Variants in ADGB observed in about 807,000 individuals in gnomAD.
The protein encoded by ADGB is androglobin, also known as calpain-7-like protein.
Under a neutral mutation model 210.5 loss-of-function variants are expected in ADGB, and 172 were observed. The ratio of observed to expected loss-of-function variants is 0.82; its 90% CI spans 0.72 to 0.93. The LOEUF (loss-of-function observed/expected upper bound fraction) is 0.93. ADGB is among the 40% of genes least tolerant of loss of function. The pLI, the probability that ADGB is intolerant of heterozygous loss-of-function variation, is 0.00. For missense variants in ADGB, 2,025 were observed against 1,964.8 expected, an observed-to-expected ratio of 1.03 and a Z score of -0.58; for synonymous variants, 658 against 662.7, an observed-to-expected ratio of 0.99 and a Z score of 0.11.
intron 19 of ADGB, among the ~76,000 whole-genome samples, 176 bp downstream of exon 19, chr6:146,726,373 C>A (rs1776895438): frequency 6.6e-6 from 1 of 152,062 alleles, no homozygotes; most frequent in South Asian, 2.1e-4. Flanking sequence ...CAGGTGCGTG[C>A]CACCACACCC....
intron 4 of ADGB, among the ~76,000 whole-genome samples, chr6:146,654,760 T>C (rs1048345176): frequency 2.0e-5 from 3 of 152,152 alleles, no homozygotes; most frequent in African/African-American, 7.2e-5. Context: ...TATTATTGTG[T>C]CTGCCAGTTA....
At chr6:146,636,497 A>G (rs1775424782) in intron 2 of ADGB, among the ~76,000 whole-genome samples, 1 of 151,998 alleles carries the variant, frequency 6.6e-6, no homozygotes, top group East Asian at 1.9e-4. Flanking sequence ...TGATTATGGA[A>G]CTTCTAGATG....
At chr6:146,741,514 A>C (rs1460215713) in intron 25 of ADGB, among the ~76,000 whole-genome samples, 1 of 152,210 alleles carries the variant, frequency 6.6e-6, no homozygotes, top group Non-Finnish European at 1.5e-5. Flanking sequence ...GACAAAAAGA[A>C]AGCATTAGAA....
Position 146,713,470 on chromosome 6 carries a change from G to T in ADGB, c.1708-1912G>T, listed in dbSNP as rs562623732. ...GAAATGGTGTCTCATTGTAATTTTG[G>T]TTTGTATTCCTCTAGTGATTCATGA... On this transcript the variant is annotated intron_variant, in intron 13 of 35. Coordinates refer to ENST00000397944, the MANE Select transcript of ADGB (RefSeq NM_024694.4). Among the ~76,000 whole-genome samples the T allele has an allele frequency of 1.3e-5, 2 of 152,208 alleles. 1 individual carries two copies. Among genetic ancestry groups the T allele is most frequent in the South Asian group, 4.2e-4 (2 of 4,816 alleles).
At chr6:146,773,291 AG>A (rs780677386) in intron 29 of ADGB, among the ~76,000 whole-genome samples, 4 of 150,512 alleles carry the variant, frequency 2.7e-5, no homozygotes, top group Non-Finnish European at 5.9e-5. Flanking sequence ...GAAAAAAAAA[AG>A]ATCGTACATA....
chr6:146,682,272 C>G (rs1296815834), intron 9 of ADGB, among the ~76,000 whole-genome samples: 2 of 151,990 alleles, frequency 1.3e-5, no homozygotes, highest in African/African-American at 4.8e-5. Context: ...TATTTTATAG[C>G]AGTCTTCTGA....
At chr6:146,621,105 A>G (rs1780886660) in intron 1 of ADGB, among the ~76,000 whole-genome samples, 1 of 152,122 alleles carries the variant, frequency 6.6e-6, no homozygotes, top group Non-Finnish European at 1.5e-5. Context: ...CCAAAACTTA[A>G]ACTTAGACCC....
chr6:146,795,121 T>C lies in ADGB; in HGVS notation c.4538-6062T>C, dbSNP rs181226948. Among the ~76,000 whole-genome samples the C allele has an allele frequency of 2.1e-3, 326 of 152,174 alleles. 1 individual carries two copies. Among genetic ancestry groups the C allele is most frequent in the South Asian group, 0.015 (73 of 4,826 alleles). On this transcript the variant is annotated intron_variant, in intron 33 of 35. Coordinates refer to ENST00000397944, the MANE Select transcript of ADGB (RefSeq NM_024694.4). ...CATTAGCTGAAAATTGCAGGGGAAA[T>C]AAGACTCTAGAAGCAAATTGCTAAG...
At chr6:146,803,749 T>A in intron 35 of ADGB, 1 of 758,714 alleles carries the variant, frequency 1.3e-6, no homozygotes, top group African/African-American at 1.8e-5. Flanking sequence ...CCGCGGCGCC[T>A]CAGCCCAGCC....
chr6:146,652,329 T>A (rs113415687), intron 3 of ADGB, among the ~76,000 whole-genome samples: 6 of 152,306 alleles, frequency 3.9e-5, no homozygotes, highest in African/African-American at 1.2e-4. Context: ...TCCATCACAG[T>A]CAGTCAAGCC....
At chr6:146,606,960 T>C (rs902547381) in intron 1 of ADGB, among the ~76,000 whole-genome samples, 6 of 152,188 alleles carry the variant, frequency 3.9e-5, no homozygotes, top group Admixed American at 6.5e-5. Flanking sequence ...TTGATAGGAA[T>C]AGCATTACAT....
At position 146,815,082 on chromosome 6, in the gene ADGB, C is replaced by T; in HGVS notation, c.4869C>T (p.Tyr1623=). The T allele has an allele frequency of 1.9e-6, 3 of 1,548,204 alleles. No homozygotes were observed. Among genetic ancestry groups the T allele is most frequent in the Admixed American group, 4.0e-5 (2 of 49,932 alleles). ...RQKIFDIREE[Y]RNKLLEAEHL... ...AAATTTTCGACATCCGGGAAGAGTACAGAAACAAATTGCTGGAAGCTGAGC... is the reference window on the plus strand; with the variant it reads ...AAATTTTCGACATCCGGGAAGAGTATAGAAACAAATTGCTGGAAGCTGAGC... Residue 1623 remains tyrosine, a synonymous_variant, in exon 36 of 36, where the codon TAC becomes TAT. Coordinates refer to ENST00000397944, the MANE Select transcript of ADGB (RefSeq NM_024694.4).
rs952300566 is a variant in ADGB at position 146,685,720 on chromosome 6, T to G, written c.1217-14T>G. ...ACTAGAATTTTCACAACATAATGTA[T>G]GTTTGTTTTACAGGTTCTTCTGCAA... On this transcript the variant is annotated splice_polypyrimidine_tract_variant and intron_variant, in intron 9 of 35. Transcript: ENST00000397944. The G allele has an allele frequency of 6.9e-7, 1 of 1,459,468 alleles. No homozygotes were observed. The highest frequency in any genetic ancestry group is 1.5e-5 in the African/African-American group (1 of 68,574). 90.4% of individuals were successfully genotyped at this position (1,459,468 alleles called of 1,614,324 possible).
rs1777229428 is a variant in ADGB at position 146,746,016 on chromosome 6, T to A, written c.3272T>A (p.Leu1091Gln). 2 of 1,551,328 alleles carry A rather than the reference T, an allele frequency of 1.3e-6. No homozygotes were observed. The highest frequency in any genetic ancestry group is 8.7e-7 in the Non-Finnish European group (1 of 1,146,824). ...KLRLIGSSAP[L>Q]PCLSRDSPCN... ...CGTCTCATCGGTTCTTCTGCTCCACTGCCATGCCTCTCTCGAGACTCTCCA... is the reference window on the plus strand; with the variant it reads ...CGTCTCATCGGTTCTTCTGCTCCACAGCCATGCCTCTCTCGAGACTCTCCA... Residue 1091 changes from leucine to glutamine, a missense_variant, in exon 26 of 36, where the codon CTG becomes CAG. Transcript: ENST00000397944.
At chr6:146,704,539 A>G (rs1430046956) in intron 13 of ADGB, among the ~76,000 whole-genome samples, 1 of 152,010 alleles carries the variant, frequency 6.6e-6, no homozygotes, top group Non-Finnish European at 1.5e-5. Flanking sequence ...ATATCCCAAA[A>G]TCATTTACTG....
rs762176980 is a variant in ADGB, at chr6:146,724,219, G to C, written c.2129G>C (p.Gly710Ala). Reference protein sequence around the residue: ...LTKDSPPIEPGLLTAETFSWK... With the variant: ...LTKDSPPIEPALLTAETFSWK... Reference sequence around the variant, plus strand: ...AAAGACAGTCCTCCCATAGAGCCTGGACTTCTCACAGCTGAAACGTTTTCT... The same window carrying C: ...AAAGACAGTCCTCCCATAGAGCCTGCACTTCTCACAGCTGAAACGTTTTCT... Residue 710 changes from glycine (G) to alanine (A), a missense_variant, in exon 18 of 36, where the codon GGA (glycine) becomes GCA (alanine). By Grantham distance (60) the Gly-to-Ala change is moderately conservative. Transcript: ENST00000397944. 8 of 1,551,006 alleles carry C rather than the reference G, an allele frequency of 5.2e-6. No homozygotes were observed. The highest frequency in any genetic ancestry group is 2.4e-5 in the South Asian group (2 of 83,854).
At position 146,713,233 on chromosome 6, in the gene ADGB, A is replaced by G. The variant is rs576709536; in HGVS notation, c.1708-2149A>G. On this transcript the variant is annotated intron_variant, in intron 13 of 35. Coordinates refer to ENST00000397944, the MANE Select transcript of ADGB (RefSeq NM_024694.4). ...CTGCTATGAATTTGGGTGTACACCT[A>G]TCTCCTTGAGACTCTGCTTTCAATG... is the stretch of plus-strand genomic sequence containing the variant. Among the ~76,000 whole-genome samples the G allele has an allele frequency of 3.9e-5, 6 of 152,330 alleles. No individual in the cohort carries two copies. In the South Asian group the frequency reaches 6.2e-4, roughly 16 times the overall value.
intron 5 of ADGB, among the ~76,000 whole-genome samples, chr6:146,658,932 T>C (rs1775819463): frequency 6.6e-6 from 1 of 152,172 alleles, no homozygotes; most frequent in Non-Finnish European, 1.5e-5. Context: ...TCCCTATGAA[T>C]TATTTTGGTA....
At chr6:146,677,637 G>A (rs560348520) in intron 9 of ADGB, among the ~76,000 whole-genome samples, 2 of 152,270 alleles carry the variant, frequency 1.3e-5, no homozygotes, top group Admixed American at 1.3e-4. Flanking sequence ...AAAACTTTCT[G>A]AGAGTTCTTT....
Sources: gnomAD v4.1 joint callset for allele counts (sites outside exome capture counted in the v4.1 genomes callset) on GRCh38, gnomAD v4.1.1 for gene constraint, MANE v1.5 for transcripts, NCBI Gene and HGNC (gene_info 2026-07-23, HGNC 2026-07-21) for gene names.